Variants in MYO15A observed in about 807,000 individuals in gnomAD.
The protein encoded by MYO15A is myosin XVA.
Under a neutral mutation model 394.6 loss-of-function variants are expected in MYO15A, and 308 were observed. That is an observed-to-expected ratio of 0.78 (90% CI 0.71 to 0.86). MYO15A has a LOEUF of 0.86. MYO15A is among the 40% of genes least tolerant of loss of function. The pLI, the probability that MYO15A is intolerant of heterozygous loss-of-function variation, is 0.00. For synonymous variants in MYO15A, 1,957 were observed against 2,003.8 expected (o/e 0.98, Z 0.62); for missense variants, 4,606 against 4,799.1 (o/e 0.96, Z 1.19).
chr17:18,160,258 T>C (rs567493028), intron 56 of MYO15A, among the ~76,000 whole-genome samples: 1 of 152,350 alleles, frequency 6.6e-6, no homozygotes, highest in African/African-American at 2.4e-5. Flanking sequence ...TCCAGATTCT[T>C]AGTTGCAAGT....
Position 18,126,266 on chromosome 17 carries a change from G to A in MYO15A, c.3757-81G>A, listed in dbSNP as rs57270892. ...ATATCTGTCCGGATGGAAACAGGGA[G>A]CCAGGCTCCCAGCATAGGGGAGGGA... On this transcript the variant is annotated intron_variant, in intron 4 of 65. Coordinates refer to ENST00000647165, the MANE Select transcript of MYO15A (RefSeq NM_016239.4). The A allele has an allele frequency of 9.2e-4, 1,090 of 1,187,484 alleles. 8 individuals carry two copies. In the African/African-American group the frequency reaches 0.015, roughly 17 times the overall value. The allele number at this position is 1,187,484 out of a possible 1,614,324, so 73.6% of individuals were successfully genotyped here. A position where few individuals can be genotyped will look rare whatever the true frequency, so the allele number is the denominator to read the frequency against.
chr17:18,134,252 T>G (rs544020367), intron 12 of MYO15A, among the ~76,000 whole-genome samples: 1 of 152,214 alleles, frequency 6.6e-6, no homozygotes, highest in Non-Finnish European at 1.5e-5. Context: ...CCTCCCAAAG[T>G]GCTGGGATTA....
At chr17:18,168,226 G>A (rs2046884182) in intron 62 of MYO15A, among the ~76,000 whole-genome samples, 1 of 151,950 alleles carries the variant, frequency 6.6e-6, no homozygotes. Flanking sequence ...TATAGAGACG[G>A]GGTCTTGCTA....
At chr17:18,172,037 C>T in intron 63 of MYO15A, 120 bp from the exon 64 acceptor site, 1 of 1,547,906 alleles carries the variant, frequency 6.5e-7, no homozygotes, top group South Asian at 1.1e-5. Context: ...GGGAGGAGAC[C>T]CAGACCAAGG....
At position 18,155,422 on chromosome 17, in the gene MYO15A, C is replaced by T. The variant is rs373995659; in HGVS notation, c.8449C>T (p.Arg2817Cys). 7.4e-6 allele frequency: 12 copies of T among 1,613,040 alleles called. No individual in the cohort carries two copies. The highest frequency in any genetic ancestry group is 2.2e-5 in the East Asian group (1 of 44,882). ...QEAGGQLRVL[R>C]AYSFADILFV... ...GGCCGGCGGGCAGCTGCGGGTCCTG[C>T]GTGCATACAGGTGACCAGCAGGGGT... The change falls in exon 47 of 66, where the codon CGT becomes TGT. Residue 2817 changes from arginine to cysteine, a missense_variant. This residue lies in a region of MYO15A where 2,776 missense variants were observed against 3,109.3 expected (regional missense o/e 0.89). Transcript: ENST00000647165.
Position 18,121,398 on chromosome 17 carries a change from G to C in MYO15A, c.2598G>C (p.Ser866=), listed in dbSNP as rs1225257498. 6 of 1,535,346 alleles carry C rather than the reference G, an allele frequency of 3.9e-6. No homozygotes were observed. Among genetic ancestry groups the C allele is most frequent in the South Asian group, 3.6e-5 (3 of 83,734 alleles). ...GGCGCAGCTCCCTGAATCTGCCCTC[G>C]CGCCTCCCGCACACGTGGCGGCGCC... ...SPRRSSLNLP[S]RLPHTWRRLS... The change falls in exon 2 of 66, where the codon TCG becomes TCC. Residue 866 remains serine, a synonymous_variant. Transcript: ENST00000647165. This position sits in a 1 kb window ranked among gnomAD's most constrained non-coding sequence, Gnocchi z 5.3.
At chr17:18,156,144 A>T in intron 47 of MYO15A, 51 bp from the exon 48 acceptor site, 1 of 1,613,080 alleles carries the variant, frequency 6.2e-7, no homozygotes, top group Non-Finnish European at 8.5e-7. Flanking sequence ...CAATAGGTGG[A>T]AGGAGGGCAT....
Position 18,121,840 on chromosome 17 carries a change from G to A in MYO15A, c.3040G>A (p.Glu1014Lys), listed in dbSNP as rs748173594. 6.2e-7 allele frequency: 1 copy of A among 1,612,736 alleles called. No homozygotes were observed. Among genetic ancestry groups the A allele is most frequent in the Admixed American group, 1.7e-5 (1 of 59,998 alleles). ...SAGPTPEKPE[E>K]EATLGDPQLP... ...TGGCCCAACCCCTGAGAAGCCTGAAGAAGAGGCCACCCTGGGGGACCCCCA... is the reference window on the plus strand; with the variant it reads ...TGGCCCAACCCCTGAGAAGCCTGAAAAAGAGGCCACCCTGGGGGACCCCCA... Residue 1014 changes from glutamate (E) to lysine (K), a missense_variant, in exon 2 of 66, where the codon GAA becomes AAA. Physicochemically the swap from Glu to Lys is moderately conservative, Grantham distance 56 (BLOSUM62 1). Transcript: ENST00000647165. This position sits in a 1 kb window ranked among gnomAD's most constrained non-coding sequence, Gnocchi z 5.3.
At position 18,119,260 on chromosome 17, in the gene MYO15A, G is replaced by A. The variant is rs989409978; in HGVS notation, c.460G>A (p.Ala154Thr). ...KKAEESGSEQ[A>T]TVDAWLQRSS... ...GGCCGAGGAGTCGGGCAGCGAACAG[G>A]CCACAGTGGACGCCTGGCTGCAGCG... Residue 154 changes from alanine to threonine, a missense_variant, in exon 2 of 66, where the codon GCC becomes ACC. By Grantham distance (58) the Ala-to-Thr change is moderately conservative. Transcript: ENST00000647165. The A allele has an allele frequency of 1.9e-6, 3 of 1,612,178 alleles. No individual in the cohort carries two copies. Among genetic ancestry groups the A allele is most frequent in the African/African-American group, 2.7e-5 (2 of 74,908 alleles).
chr17:18,125,016 G>A, intron 3 of MYO15A, 152 bp from the exon 4 acceptor site: 1 of 755,370 alleles, frequency 1.3e-6, no homozygotes, highest in South Asian at 1.4e-5. Flanking sequence ...GAATAGGGAA[G>A]TAATTTGTCC....
At chr17:18,125,276 C>T in intron 4 of MYO15A, 45 bp downstream of exon 4, 1 of 1,583,286 alleles carries the variant, frequency 6.3e-7, no homozygotes, top group Non-Finnish European at 8.7e-7. Context: ...GTCAGGAAGG[C>T]AGCTGCCTCC....
chr17:18,136,505 C>T (rs2142318875), intron 14 of MYO15A, 30 bp downstream of exon 14: 1 of 1,613,786 alleles, frequency 6.2e-7, no homozygotes, highest in Non-Finnish European at 8.5e-7. Context: ...TGCCTGAGCC[C>T]CGAGGCCCAG....
chr17:18,119,550 A>T lies in MYO15A; in HGVS notation c.750A>T (p.Ser250=). The change falls in exon 2 of 66, where the codon TCA becomes TCT. Residue 250 remains serine, a synonymous_variant. Coordinates refer to ENST00000647165, the MANE Select transcript of MYO15A (RefSeq NM_016239.4). ...GCGACGACTACTACGACCGGCAGTC[A>T]CTCCACCGCTACGAGGAGCAGGAAC... is the stretch of plus-strand genomic sequence containing the variant. ...RDGDDYYDRQ[S]LHRYEEQEPY... The T allele has an allele frequency of 6.2e-7, 1 of 1,607,852 alleles. No individual in the cohort carries two copies. Among genetic ancestry groups the T allele is most frequent in the South Asian group, 1.1e-5 (1 of 91,074 alleles).
In MYO15A at chr17:18,119,917, G is replaced by A. The variant is rs746140187; in HGVS notation, c.1117G>A (p.Gly373Arg). Reference sequence around the variant, plus strand: ...CGATGTACCCTACTTTGATCCCTACGGAGTCCACTACACCGTCCCCTATGC... The same window carrying A: ...CGATGTACCCTACTTTGATCCCTACAGAGTCCACTACACCGTCCCCTATGC... ...PYDVPYFDPY[G>R]VHYTVPYAEG... Residue 373 changes from glycine (G) to arginine (R), a missense_variant, in exon 2 of 66, where the codon GGA (glycine) becomes AGA (arginine). Coordinates refer to ENST00000647165, the MANE Select transcript of MYO15A (RefSeq NM_016239.4). The A allele has an allele frequency of 5.0e-5, 80 of 1,613,348 alleles. No individual in the cohort carries two copies. Among genetic ancestry groups the A allele is most frequent in the Non-Finnish European group, 5.9e-5 (70 of 1,180,006 alleles).
chr17:18,171,607 C>T, intron 62 of MYO15A, 31 bp from the exon 63 acceptor site: 1 of 1,613,728 alleles, frequency 6.2e-7, no homozygotes, highest in Non-Finnish European at 8.5e-7. Flanking sequence ...GGAGCTCACT[C>T]AGGACCTTTT....
At chr17:18,130,860 GTGTGTGTGTGTC>G (rs756573726) in intron 8 of MYO15A, 50 bp downstream of exon 8, 497 of 1,526,340 alleles carry the variant, frequency 3.3e-4, no homozygotes, top group Non-Finnish European at 3.9e-4. Context: ...GTGTGTGTGT[GTGTGTGTGTGTC>G]TGTCCAGGAA....
At chr17:18,163,099 A>G in intron 58 of MYO15A, 145 bp from the exon 59 acceptor site, 1 of 833,544 alleles carries the variant, frequency 1.2e-6, no homozygotes, top group East Asian at 2.4e-5. Context: ...GCTTGCAGAC[A>G]GGCCCTGCGC....
In MYO15A at chr17:18,142,163, T is replaced by G; in HGVS notation, c.5734T>G (p.Cys1912Gly). 1.2e-6 allele frequency: 2 copies of G among 1,613,920 alleles called. No individual in the cohort carries two copies. Among genetic ancestry groups the G allele is most frequent in the East Asian group, 4.5e-5 (2 of 44,886 alleles). Residue 1912 changes from cysteine (C) to glycine (G), a missense_variant, in exon 24 of 66, where the codon TGC (cysteine) becomes GGC (glycine). Coordinates refer to ENST00000647165, the MANE Select transcript of MYO15A (RefSeq NM_016239.4). Reference sequence around the variant, plus strand: ...TCTGGCAGCCCTCACTCTGCAGCGCTGCCTCCGTGGCTTCTTCATTAAGCG... The same window carrying G: ...TCTGGCAGCCCTCACTCTGCAGCGCGGCCTCCGTGGCTTCTTCATTAAGCG... ...LNLAALTLQR[C>G]LRGFFIKRRF...
At chr17:18,159,245 C>G (rs1430359261) in intron 53 of MYO15A, 30 bp from the exon 54 acceptor site, 1 of 1,611,392 alleles carries the variant, frequency 6.2e-7, no homozygotes, top group East Asian at 2.2e-5. Context: ...TGTCCCTCCT[C>G]CATCATGACA....
Sources: allele counts gnomAD v4.1 joint callset (sites outside exome capture counted in the v4.1 genomes callset), GRCh38; gene constraint gnomAD v4.1.1; regional missense constraint gnomAD v4.1.1; non-coding constraint Gnocchi (gnomAD v3.1); transcripts MANE v1.5; gene names NCBI Gene and HGNC (gene_info 2026-07-23, HGNC 2026-07-21).